CYLC2: variants seen among roughly 807,000 people sequenced by gnomAD.
The protein encoded by CYLC2 is cylicin-2.
CYLC2 carries 30 observed loss-of-function variants against 26.1 expected under a neutral mutation model. That is an observed-to-expected ratio of 1.15 (90% confidence interval 0.86 to 1.56). The LOEUF (loss-of-function observed/expected upper bound fraction) is 1.56. CYLC2 is among the 40% of genes most tolerant of loss of function. The pLI is 0.00. For missense variants in CYLC2, 498 were observed against 394.4 expected (o/e 1.26, Z -2.23); for synonymous variants, 158 against 132.8 (o/e 1.19, Z -1.31).
At chr9:102,999,316 A>G (rs971573078) in intron 1 of CYLC2, among the ~76,000 whole-genome samples, 1 of 151,870 alleles carries the variant, frequency 6.6e-6, no homozygotes, top group Admixed American at 6.6e-5. Flanking sequence ...AAACTAGTAT[A>G]ATTCATTAAA....
Position 103,005,253 on chromosome 9 carries a change from G to A in CYLC2, c.622G>A (p.Gly208Ser), listed in dbSNP as rs1394472891. The A allele has an allele frequency of 6.2e-7, 1 of 1,613,198 alleles. No homozygotes were observed. The highest frequency in any genetic ancestry group is 8.5e-7 in the Non-Finnish European group (1 of 1,179,774). ...CAAAGACTCGGCAACAGAATCTGAA[G>A]GTGAAAAAGGAGGTACAGAGAAAGA... ...KGKDSATESE[G>S]EKGGTEKDSK... The change falls in exon 5 of 8, where the codon GGT becomes AGT. Residue 208 changes from glycine (G) to serine (S), a missense_variant. Transcript: ENST00000374798.
At chr9:103,007,344 T>C (rs940674474) in intron 5 of CYLC2, among the ~76,000 whole-genome samples, 3 of 152,136 alleles carry the variant, frequency 2.0e-5, no homozygotes, top group Non-Finnish European at 2.9e-5. Context: ...AATCAATTTA[T>C]TTTGATTGAA....
rs536120052 is a variant in CYLC2, at chr9:103,014,505, A to C, written c.*817-2383A>C. Among the ~76,000 whole-genome samples the C allele has an allele frequency of 2.8e-5, 4 of 140,982 alleles. No individual in the cohort carries two copies. The East Asian group carries it at 8.7e-4, about 31-fold the overall frequency. The allele number at this position is 140,982 out of a possible 152,430, so 92.5% of individuals were successfully genotyped here. A position where few individuals can be genotyped will look rare whatever the true frequency, so the allele number is the denominator to read the frequency against. ...GTATATTATGCAATATACATAATAT[A>C]TGTAATATACATAATATATGCAATA... On this transcript the variant is annotated intron_variant, in intron 6 of 7. Coordinates refer to ENST00000374798, the MANE Select transcript of CYLC2 (RefSeq NM_001340.5).
intron 5 of CYLC2, among the ~76,000 whole-genome samples, chr9:103,008,073 T>G (rs1013507485): frequency 4.6e-5 from 7 of 151,772 alleles, no homozygotes; most frequent in Admixed American, 2.6e-4. Context: ...TAAAATTATG[T>G]GTTGAGATTG....
rs533458162 is a variant in CYLC2, at chr9:103,002,604, G to A, written c.59-538G>A. On this transcript the variant is annotated intron_variant, in intron 2 of 7. Coordinates refer to ENST00000374798, the MANE Select transcript of CYLC2 (RefSeq NM_001340.5). ...CCTGACCTCGTGATCAGCCCACCTCGGCTTCCCAAAGTGCTGGGATTACAG... is the reference window on the plus strand; with the variant it reads ...CCTGACCTCGTGATCAGCCCACCTCAGCTTCCCAAAGTGCTGGGATTACAG... Among the ~76,000 whole-genome samples, 4 of 151,812 alleles carry A rather than the reference G, an allele frequency of 2.6e-5. No homozygotes were observed. The South Asian group carries it at 6.2e-4, about 24-fold the overall frequency.
chr9:103,009,302 C>A (rs549548092), intron 5 of CYLC2, among the ~76,000 whole-genome samples: 1 of 152,186 alleles, frequency 6.6e-6, no homozygotes, highest in South Asian at 2.1e-4. Flanking sequence ...CCTCCCCAGG[C>A]TCAGGTGATT....
At chr9:103,004,920 CAA>C (rs1387855642) in intron 4 of CYLC2, 47 bp from the exon 5 acceptor site, 5 of 1,573,462 alleles carry the variant, frequency 3.2e-6, no homozygotes, top group Admixed American at 2.1e-5. Context: ...AGAATTTTAT[CAA>C]GTTTGGATTT....
intron 6 of CYLC2, among the ~76,000 whole-genome samples, chr9:103,014,294 T>C (rs1468110136): frequency 1.5e-5 from 2 of 133,098 alleles, no homozygotes; most frequent in Admixed American, 8.1e-5. Flanking sequence ...GTATACATAA[T>C]ATTACATATA....
rs1286330713 is a variant in CYLC2 at position 103,005,783 on chromosome 9, G to T, written c.*105G>T. ...TTGTGAGAAAACAAGAGGCCTCAAAGAATTAAATAATTTTTAAAAGGTGGT... is the reference window on the plus strand; with the variant it reads ...TTGTGAGAAAACAAGAGGCCTCAAATAATTAAATAATTTTTAAAAGGTGGT... On this transcript the variant is annotated 3_prime_UTR_variant, in exon 5 of 8. Transcript: ENST00000374798. 21 of 1,225,158 alleles carry T rather than the reference G, an allele frequency of 1.7e-5. No individual in the cohort carries two copies. The highest frequency in any genetic ancestry group is 2.0e-5 in the Non-Finnish European group (18 of 878,452). The allele number at this position is 1,225,158 out of a possible 1,614,324, so 75.9% of individuals were successfully genotyped here. A position where few individuals can be genotyped will look rare whatever the true frequency, so the allele number is the denominator to read the frequency against.
At position 103,005,887 on chromosome 9, in the gene CYLC2, T is replaced by G; in HGVS notation, c.*209T>G. 6 of 527,436 alleles carry G rather than the reference T, an allele frequency of 1.1e-5. No homozygotes were observed. Among genetic ancestry groups the G allele is most frequent in the Non-Finnish European group, 1.3e-5 (4 of 305,484 alleles). 32.7% of individuals were successfully genotyped at this position (527,436 alleles called of 1,614,324 possible). On this transcript the variant is annotated 3_prime_UTR_variant, in exon 5 of 8. Coordinates refer to ENST00000374798, the MANE Select transcript of CYLC2 (RefSeq NM_001340.5). The stretch of plus-strand genomic sequence containing the variant: ...GATGTTAAGAAAAATTAAGGGGGGA[T>G]CCATTGAAAGACTTGAAGAATACAT...
chr9:103,002,357 CTTTTTTTTTTTTT>C (rs61123272), intron 2 of CYLC2, among the ~76,000 whole-genome samples: 1 of 77,620 alleles, frequency 1.3e-5, no homozygotes, highest in Non-Finnish European at 2.3e-5. Flanking sequence ...CATTTGCCCC[CTTTTTTTTTTTTT>C]TTTTTTTTTT....
chr9:103,013,758 A>AATTATATTTTATATTATATATTATATG (rs1337381020), intron 6 of CYLC2, among the ~76,000 whole-genome samples: 2 of 110,916 alleles, frequency 1.8e-5, no homozygotes, highest in South Asian at 2.8e-4. Flanking sequence ...TATTATATAT[A>AATTATATTTTATATTATATATTATATG]ATTATATTTT....
At chr9:103,009,784 G>T (rs552060200) in intron 5 of CYLC2, among the ~76,000 whole-genome samples, 1 of 151,416 alleles carries the variant, frequency 6.6e-6, no homozygotes, top group Admixed American at 6.6e-5. Context: ...TTAATTTTTA[G>T]ATACAACAAA....
intron 5 of CYLC2, among the ~76,000 whole-genome samples, chr9:103,007,201 A>G (rs1310950697): frequency 6.6e-6 from 1 of 152,152 alleles, no homozygotes; most frequent in Non-Finnish European, 1.5e-5. Context: ...ATGGAGAGAC[A>G]ACGAAATAAA....
At chr9:103,006,757 T>C (rs866322539) in intron 5 of CYLC2, among the ~76,000 whole-genome samples, 14 of 152,122 alleles carry the variant, frequency 9.2e-5, no homozygotes, top group African/African-American at 3.1e-4. Context: ...TTATTGTCTT[T>C]TTCATTTTTG....
chr9:102,995,655 C>A (rs1177726577), intron 1 of CYLC2, among the ~76,000 whole-genome samples: 1 of 151,552 alleles, frequency 6.6e-6, no homozygotes, highest in Non-Finnish European at 1.5e-5. Context: ...GCTAGTCTTA[C>A]TTGATTTTTT....
chr9:103,016,826 G>A (rs181197711), intron 6 of CYLC2, 62 bp from the exon 7 acceptor site: 1 of 152,038 alleles, frequency 6.6e-6, no homozygotes, highest in African/African-American at 2.4e-5. Flanking sequence ...AGCACATATG[G>A]AAGTTTACAT....
At chr9:103,006,576 C>G (rs1477061068) in intron 5 of CYLC2, among the ~76,000 whole-genome samples, 198 bp downstream of exon 5, 1 of 151,972 alleles carries the variant, frequency 6.6e-6, no homozygotes, top group African/African-American at 2.4e-5. Flanking sequence ...CCAAGCCCAG[C>G]TGAATTTTTT....
At chr9:102,997,071 G>A (rs983385256) in intron 1 of CYLC2, among the ~76,000 whole-genome samples, 4 of 151,866 alleles carry the variant, frequency 2.6e-5, no homozygotes, top group Non-Finnish European at 5.9e-5. Context: ...TCTCTATTGA[G>A]TAGCATTACT....
Sources: gnomAD v4.1 joint callset for allele counts (sites outside exome capture counted in the v4.1 genomes callset) on GRCh38, gnomAD v4.1.1 for gene constraint, MANE v1.5 for transcripts, NCBI Gene and HGNC (gene_info 2026-07-23, HGNC 2026-07-21) for gene names.